The following CLEC12A variants were observed in gnomAD, a reference collection of about 807,000 sequenced individuals.
CLEC12A encodes the protein C-type lectin protein CLL-1.
Under a neutral mutation model 26.5 loss-of-function variants are expected in CLEC12A, and 22 were observed. That is an observed-to-expected ratio of 0.83 (90% CI 0.59 to 1.19). CLEC12A has a LOEUF of 1.19. Among genes scored for constraint, CLEC12A ranks in the 50% most tolerant of loss-of-function variants. CLEC12A has a pLI of 0.00. For missense variants in CLEC12A, 353 were observed against 315.6 expected (o/e 1.12, Z -0.90); for synonymous variants, 119 against 101.9 (o/e 1.17, Z -1.01).
At chr12:9,983,051 TCC>T (rs1214360863) in intron 5 of CLEC12A, among the ~76,000 whole-genome samples, 2 of 152,160 alleles carry the variant, frequency 1.3e-5, no homozygotes, top group African/African-American at 4.8e-5. Context: ...TATGCAATAA[TCC>T]GTTGATGGAC....
At chr12:10,004,096 A>G in the CLEC12A span, among the ~76,000 whole-genome samples, 1 of 152,018 alleles carries the variant, frequency 6.6e-6, no homozygotes, top group Non-Finnish European at 1.5e-5. Context: ...TGGGAGGGAG[A>G]GCATGCAGAC....
At chr12:9,985,640 G>A, downstream of CLEC12A, 2 of 393,348 alleles carry the variant, frequency 5.1e-6, no homozygotes, top group South Asian at 2.8e-4. Flanking sequence ...TTGAGCTACT[G>A]TAAGCTTGGC....
intron 1 of CLEC12A, among the ~76,000 whole-genome samples, chr12:9,965,560 C>T (rs113362278): frequency 0.29 from 43,963 of 150,052 alleles, 6,730 homozygotes; most frequent in East Asian, 0.46. Context: ...ATGTTTGAGA[C>T]CCAGAACAGA....
chr12:9,988,796 T>C (rs1317884400), downstream of CLEC12A, among the ~76,000 whole-genome samples: 1 of 152,198 alleles, frequency 6.6e-6, no homozygotes, highest in African/African-American at 2.4e-5. Context: ...ATTATGGAAG[T>C]CAGTGTGGCG....
At chr12:9,976,348 G>A (rs2137164055) in intron 1 of CLEC12A, among the ~76,000 whole-genome samples, 1 of 152,348 alleles carries the variant, frequency 6.6e-6, no homozygotes, top group South Asian at 2.1e-4. Context: ...GCTGCCCAAA[G>A]ACATGGGAGC....
intron 1 of CLEC12A, among the ~76,000 whole-genome samples, chr12:9,961,237 A>G (rs541594171): frequency 7.9e-5 from 12 of 152,354 alleles, no homozygotes; most frequent in Admixed American, 7.8e-4. Context: ...TTAAGTATTA[A>G]TGCCTGAGAG....
downstream of CLEC12A, chr12:9,996,719 C>T (rs1343861782): frequency 1.1e-6 from 1 of 934,764 alleles, no homozygotes. Flanking sequence ...CTAGGTTTCA[C>T]AAGGGTCTTA....
At chr12:9,994,836 C>A (rs1452076461) in intron 4 of CLEC12A, among the ~76,000 whole-genome samples, 2 of 145,468 alleles carry the variant, frequency 1.4e-5, no homozygotes, top group African/African-American at 2.5e-5. Context: ...CATGCGCGCA[C>A]ACACACACAC....
chr12:9,967,351 A>C (rs1863986152), upstream of CLEC12A, among the ~76,000 whole-genome samples: 1 of 152,072 alleles, frequency 6.6e-6, no homozygotes. Context: ...TACAACAAGA[A>C]TTATTTAGAT....
chr12:9,980,498 C>T, intron 3 of CLEC12A, 84 bp from the exon 4 acceptor site: 1 of 1,253,036 alleles, frequency 8.0e-7, no homozygotes, highest in Non-Finnish European at 1.1e-6. Context: ...CAAATGTGAT[C>T]AATGTCACAC....
Position 9,979,074 on chromosome 12 carries a change from G to A in CLEC12A, c.190+10G>A. 1.9e-6 allele frequency: 3 copies of A among 1,601,562 alleles called. No individual in the cohort carries two copies. Among genetic ancestry groups the A allele is most frequent in the Non-Finnish European group, 2.6e-6 (3 of 1,169,154 alleles). ...GTCTTGGCAAGCATGTGTATGTACTGCCCCTGTTTTTGTCAAGAGGAAGTA... is the reference window on the plus strand; with the variant it reads ...GTCTTGGCAAGCATGTGTATGTACTACCCCTGTTTTTGTCAAGAGGAAGTA... On this transcript the variant is annotated intron_variant, in intron 2 of 5. Coordinates refer to ENST00000304361, the MANE Select transcript of CLEC12A (RefSeq NM_138337.6).
At chr12:9,987,657 A>G (rs1864799710), downstream of CLEC12A, among the ~76,000 whole-genome samples, 1 of 152,174 alleles carries the variant, frequency 6.6e-6, no homozygotes, top group Non-Finnish European at 1.5e-5. Context: ...TTTTCACATG[A>G]CATTTAGGTA....
At chr12:9,994,995 C>A in intron 4 of CLEC12A, 1 of 1,548,028 alleles carries the variant, frequency 6.5e-7, no homozygotes, top group Non-Finnish European at 8.7e-7. Flanking sequence ...GTCTTATGAC[C>A]AGCGCTGTCT....
chr12:10,001,532 G>T, the CLEC12A span, among the ~76,000 whole-genome samples: 1 of 152,124 alleles, frequency 6.6e-6, no homozygotes, highest in African/African-American at 2.4e-5. Context: ...CCCCTCACAT[G>T]ACTTTGTGGT....
At chr12:9,983,267 A>C (rs553173244) in intron 5 of CLEC12A, among the ~76,000 whole-genome samples, 6 of 152,254 alleles carry the variant, frequency 3.9e-5, no homozygotes, top group African/African-American at 1.4e-4. Context: ...TGAAATGGGC[A>C]TTTTTGAATG....
intron 1 of CLEC12A, chr12:9,952,426 C>T (rs1440010647): frequency 5.7e-5 from 9 of 157,098 alleles, no homozygotes; most frequent in African/African-American, 2.2e-4. Flanking sequence ...ATCCGCCAGC[C>T]TTGGCCTCCC....
At chr12:9,973,421 T>TAAGATCAC (rs1864208011) in intron 1 of CLEC12A, among the ~76,000 whole-genome samples, 1 of 152,030 alleles carries the variant, frequency 6.6e-6, no homozygotes, top group African/African-American at 2.4e-5. Context: ...GCGAGTGTAC[T>TAAGATCAC]CCAGTCTGGG....
the CLEC12A span, among the ~76,000 whole-genome samples, chr12:10,002,440 G>GTTTTTTTTTTTTTTTTTTTTTT: frequency 2.5e-4 from 10 of 40,482 alleles, 2 homozygotes; most frequent in Non-Finnish European, 4.0e-4. Flanking sequence ...GTTGGGTAAT[G>GTTTTTTTTTTTTTTTTTTTTTT]TTTTTTTTTT....
downstream of CLEC12A, among the ~76,000 whole-genome samples, chr12:10,000,402 G>T (rs1865144692): frequency 1.3e-5 from 2 of 152,048 alleles, no homozygotes; most frequent in Non-Finnish European, 2.9e-5. Flanking sequence ...TGAGAATGAG[G>T]TGAAGAATAA....
Sources: allele counts gnomAD v4.1 joint callset (sites outside exome capture counted in the v4.1 genomes callset), GRCh38; gene constraint gnomAD v4.1.1; transcripts MANE v1.5; gene names NCBI Gene and HGNC (gene_info 2026-07-23, HGNC 2026-07-21).